Variants in CES5A observed in about 807,000 individuals in gnomAD.
CES5A encodes the protein carboxylesterase 5.
CES5A carries 67 observed loss-of-function variants against 62.9 expected under a neutral mutation model. That is an observed-to-expected ratio of 1.07 (90% CI 0.88 to 1.31). The LOEUF is 1.31. CES5A is among the 50% of genes most tolerant of loss of function. CES5A has a pLI of 0.00. For synonymous variants in CES5A, 296 were observed against 280.8 expected, an observed-to-expected ratio of 1.05 and a Z score of -0.54; for missense variants, 748 against 708.5, an observed-to-expected ratio of 1.06 and a Z score of -0.63.
Position 55,846,360 on chromosome 16 carries a change from A to G in CES5A, c.*91T>C, listed in dbSNP as rs1366688104. On this transcript the variant is annotated 3_prime_UTR_variant, in exon 13 of 13. Transcript: ENST00000290567. ...AGCAGCTTGTTTTGCAAGGATCCCCATAGAAAGCAGCTGAGCTCAGAAAGA... is the reference window on the plus strand; with the variant it reads ...AGCAGCTTGTTTTGCAAGGATCCCCGTAGAAAGCAGCTGAGCTCAGAAAGA... The G allele has an allele frequency of 2.1e-6, 2 of 972,764 alleles. No homozygotes were observed. The highest frequency in any genetic ancestry group is 3.2e-6 in the Non-Finnish European group (2 of 630,114). The allele number at this position is 972,764 out of a possible 1,614,324, so 60.3% of individuals were successfully genotyped here. A position where few individuals can be genotyped will look rare whatever the true frequency, so the allele number is the denominator to read the frequency against.
intron 2 of CES5A, among the ~76,000 whole-genome samples, chr16:55,930,975 C>T (rs1182932516): frequency 6.6e-6 from 1 of 152,158 alleles, no homozygotes; most frequent in Non-Finnish European, 1.5e-5. Context: ...GAAATCCCAC[C>T]ACCAGTATGA....
intron 8 of CES5A, among the ~76,000 whole-genome samples, chr16:55,858,071 T>A (rs542254136): frequency 6.6e-6 from 1 of 152,164 alleles, no homozygotes; most frequent in African/African-American, 2.4e-5. Context: ...TGGTGGTGGG[T>A]GCCTGTAATC....
intron 1 of CES5A, among the ~76,000 whole-genome samples, chr16:55,951,842 C>G (rs1283406905): frequency 3.3e-5 from 5 of 152,178 alleles, no homozygotes; most frequent in Non-Finnish European, 7.4e-5. Context: ...AATCTACAAT[C>G]ATGGTAAGAG....
chr16:55,871,038 T>C (rs1373362024), intron 3 of CES5A, among the ~76,000 whole-genome samples: 3 of 152,142 alleles, frequency 2.0e-5, no homozygotes, highest in East Asian at 1.9e-4. Flanking sequence ...GCATGGGAGT[T>C]AAATCAGATC....
chr16:55,861,623 G>A (rs1167297881), intron 6 of CES5A, 107 bp from the exon 7 acceptor site: 13 of 760,560 alleles, frequency 1.7e-5, no homozygotes, highest in African/African-American at 1.7e-5. Context: ...CTCCATATAT[G>A]AGTCCATCCT....
At chr16:55,853,146 C>A (rs1167809917) in intron 9 of CES5A, 118 bp from the exon 10 acceptor site, 21 of 960,368 alleles carry the variant, frequency 2.2e-5, no homozygotes, top group Non-Finnish European at 3.3e-5. Context: ...ATTTAACCCA[C>A]ACAGCAACCC....
intron 1 of CES5A, among the ~76,000 whole-genome samples, chr16:55,896,303 A>G (rs114354852): frequency 0.013 from 1,980 of 152,300 alleles, 50 homozygotes; most frequent in African/African-American, 0.045. Flanking sequence ...CCTTCCCATG[A>G]CATGTGGGTA....
chr16:55,889,675 G>A (rs2033854809), intron 1 of CES5A, among the ~76,000 whole-genome samples: 1 of 150,936 alleles, frequency 6.6e-6, no homozygotes, highest in Non-Finnish European at 1.5e-5. Context: ...TTTTTTAATG[G>A]AGGCTTTATT....
intron 1 of CES5A, among the ~76,000 whole-genome samples, chr16:55,915,730 C>G (rs2034141951): frequency 6.6e-6 from 1 of 152,192 alleles, no homozygotes; most frequent in South Asian, 2.1e-4. Flanking sequence ...TTCACTTTGA[C>G]TACTCACAGG....
In CES5A at chr16:55,846,677, G is replaced by C; in HGVS notation, c.1502C>G (p.Pro501Arg). 6.2e-7 allele frequency: 1 copy of C among 1,613,882 alleles called. No homozygotes were observed. Among genetic ancestry groups the C allele is most frequent in the Non-Finnish European group, 8.5e-7 (1 of 1,179,834 alleles). ...YWATFARTGN[P>R]NGNDLSLWPA... ...CCACAGAGACAGGTCGTTCCCATTA[G>C]GATTCCTAGAAGGGAGAGCAGAAAC... Residue 501 changes from proline (P) to arginine (R), a missense_variant, in exon 13 of 13, where the codon CCT becomes CGT. Physicochemically the swap from Pro to Arg is moderately radical, Grantham distance 103 (BLOSUM62 -2). Coordinates refer to ENST00000290567, the MANE Select transcript of CES5A (RefSeq NM_001143685.2).
At position 55,949,801 on chromosome 16, in the gene CES5A, G is replaced by T; in HGVS notation, c.144C>A (p.Tyr48Ter). 6.7e-7 allele frequency: 1 copy of T among 1,486,160 alleles called. No homozygotes were observed. The highest frequency in any genetic ancestry group is 9.0e-7 in the Non-Finnish European group (1 of 1,117,308). 92.1% of individuals were successfully genotyped at this position (1,486,160 alleles called of 1,614,324 possible). ...ACAACTCACCCTCATCTTTGGAAGT[G>T]TAGTTTAAGACATCAATCCTCAATA... is the stretch of plus-strand genomic sequence containing the variant. Residue 48 changes from tyrosine (Y) to a stop codon, truncating the protein, a stop_gained, in exon 2 of 14, where the codon TAC becomes TAA. Coordinates refer to the CES5A transcript ENST00000521992. LOFTEE classifies it high-confidence loss of function.
At position 55,866,678 on chromosome 16, in the gene CES5A, A is replaced by T. The variant is rs1190287435; in HGVS notation, c.552-562T>A. 6.9e-5 allele frequency among the ~76,000 whole-genome samples: 7 copies of T among 101,082 alleles called. 1 individual carries two copies. The South Asian group carries it at 2.3e-3, about 33-fold the overall frequency. 66.3% of individuals were successfully genotyped at this position (101,082 alleles called of 152,430 possible). The stretch of plus-strand genomic sequence containing the variant: ...TCTGCTAAAAAAAAAAAAAAAAAAA[A>T]TACAAAAAAATTAGCTGGACACGGT... On this transcript the variant is annotated intron_variant, in intron 4 of 12. Transcript: ENST00000290567.
At chr16:55,869,766 C>T in intron 3 of CES5A, 22 bp from the exon 4 acceptor site, 2 of 1,585,784 alleles carry the variant, frequency 1.3e-6, no homozygotes, top group Non-Finnish European at 1.7e-6. Flanking sequence ...AGAAGAGCAT[C>T]CAGTCAGCCC....
At position 55,871,535 on chromosome 16, in the gene CES5A, G is replaced by C. The variant is rs138192341; in HGVS notation, c.417+90C>G. 325 of 1,467,560 alleles carry C rather than the reference G, an allele frequency of 2.2e-4. 2 individuals carry two copies. In the African/African-American group the frequency reaches 4.0e-3, roughly 18 times the overall value. The allele number at this position is 1,467,560 out of a possible 1,614,324, so 90.9% of individuals were successfully genotyped here. On this transcript the variant is annotated intron_variant, in intron 3 of 12. Coordinates refer to ENST00000290567, the MANE Select transcript of CES5A (RefSeq NM_001143685.2). ...TTTCCCTTTTACCCAACAGGGGGTAGTTCCAATTCCAGACATGTAGCTGCA... is the reference window on the plus strand; with the variant it reads ...TTTCCCTTTTACCCAACAGGGGGTACTTCCAATTCCAGACATGTAGCTGCA...
At chr16:55,854,800 G>A (rs575985021) in intron 9 of CES5A, among the ~76,000 whole-genome samples, 5 of 151,866 alleles carry the variant, frequency 3.3e-5, no homozygotes, top group African/African-American at 1.2e-4. Flanking sequence ...CCAAAGTGCT[G>A]GAACTGCAGA....
intron 9 of CES5A, among the ~76,000 whole-genome samples, chr16:55,855,235 T>C (rs1302567046): frequency 6.6e-6 from 1 of 152,190 alleles, no homozygotes; most frequent in East Asian, 1.9e-4. Flanking sequence ...TCACTACACA[T>C]GTGTTCCATG....
intron 1 of CES5A, among the ~76,000 whole-genome samples, chr16:55,951,823 G>A (rs2034560816): frequency 6.6e-6 from 1 of 152,158 alleles, no homozygotes; most frequent in Non-Finnish European, 1.5e-5. Flanking sequence ...TATACACAGA[G>A]AAAGTGTTAA....
chr16:55,875,250 T>C lies in CES5A; in HGVS notation c.-29A>G, dbSNP rs917196225. 5 of 1,608,230 alleles carry C rather than the reference T, an allele frequency of 3.1e-6. No individual in the cohort carries two copies. Among genetic ancestry groups the C allele is most frequent in the Non-Finnish European group, 4.2e-6 (5 of 1,177,128 alleles). On this transcript the variant is annotated 5_prime_UTR_variant, in exon 1 of 13. It removes an upstream start codon present in the reference 5' UTR. Coordinates refer to ENST00000290567, the MANE Select transcript of CES5A (RefSeq NM_001143685.2). The stretch of plus-strand genomic sequence containing the variant: ...GCTGCCTGCCTGCACTCTGTGAACA[T>C]TGACGGCGGCTGCTGGCCTCAGAGA...
At chr16:55,871,813 G>T in intron 2 of CES5A, 50 bp from the exon 3 acceptor site, 1 of 1,601,822 alleles carries the variant, frequency 6.2e-7, no homozygotes, top group Non-Finnish European at 8.5e-7. Flanking sequence ...CAGCAAACTT[G>T]CCTGGGAAGG....
Sources: allele counts gnomAD v4.1 joint callset (sites outside exome capture counted in the v4.1 genomes callset), GRCh38; gene constraint gnomAD v4.1.1; transcripts MANE v1.5; gene names NCBI Gene and HGNC (gene_info 2026-07-23, HGNC 2026-07-21).